GNPTAB: variants seen among roughly 807,000 people sequenced by gnomAD.
The protein encoded by GNPTAB is N-acetylglucosamine-1-phosphotransferase subunits alpha/beta.
Under a neutral mutation model 136.6 loss-of-function variants are expected in GNPTAB, and 92 were observed. That is an observed-to-expected ratio of 0.67 (90% CI 0.57 to 0.80). GNPTAB has a LOEUF of 0.80. Among genes scored for constraint, GNPTAB ranks in the 30% least tolerant of loss-of-function variants. The pLI, the probability that GNPTAB is intolerant of heterozygous loss-of-function variation, is 0.00. For synonymous variants in GNPTAB, 512 were observed against 535.1 expected, an observed-to-expected ratio of 0.96 and a Z score of 0.60; for missense variants, 1,343 against 1,501.8, an observed-to-expected ratio of 0.89 and a Z score of 1.75.
intron 8 of GNPTAB, 87 bp downstream of exon 8, chr12:101,770,909 C>T: frequency 8.1e-7 from 1 of 1,227,376 alleles, no homozygotes; most frequent in Non-Finnish European, 1.2e-6. Context: ...TCTGTAAGTC[C>T]CCTTCCCTCT....
intron 2 of GNPTAB, among the ~76,000 whole-genome samples, chr12:101,790,815 C>T (rs1868945135): frequency 6.6e-6 from 1 of 151,154 alleles, no homozygotes; most frequent in Non-Finnish European, 1.5e-5. Flanking sequence ...CTACTTAATG[C>T]TGTAGCCTTC....
At chr12:101,769,044 T>C (rs1953134287) in intron 10 of GNPTAB, among the ~76,000 whole-genome samples, 1 of 152,198 alleles carries the variant, frequency 6.6e-6, no homozygotes, top group Admixed American at 6.5e-5. Context: ...ATGGGCCTGG[T>C]TGGGTAGCAT....
intron 14 of GNPTAB, 54 bp downstream of exon 14, chr12:101,761,510 A>G: frequency 6.5e-7 from 1 of 1,527,106 alleles, no homozygotes; most frequent in Admixed American, 1.7e-5. Context: ...TGCACATTTC[A>G]AGTAGCCTTA....
chr12:101,817,156 T>C (rs1269123920), intron 1 of GNPTAB, among the ~76,000 whole-genome samples: 3 of 152,220 alleles, frequency 2.0e-5, no homozygotes, highest in African/African-American at 4.8e-5. Context: ...AATAATTTAT[T>C]GTATATTTCA....
rs553671722 is a variant in GNPTAB, at chr12:101,811,978, G to A, written c.118-15216C>T. On this transcript the variant is annotated intron_variant, in intron 1 of 20. Transcript: ENST00000299314. ...TAAACAACCAGATCTCAGGCAGGGC[G>A]TGGTGGCTCACACCTGTAATCCCAG... Among the ~76,000 whole-genome samples the A allele has an allele frequency of 1.0e-3, 158 of 151,236 alleles. 1 individual carries two copies. The South Asian group carries it at 0.013, about 12-fold the overall frequency.
intron 3 of GNPTAB, 63 bp from the exon 4 acceptor site, chr12:101,788,652 A>G: frequency 1.2e-6 from 1 of 865,718 alleles, no homozygotes; most frequent in Non-Finnish European, 2.0e-6. Context: ...CACTGTAACC[A>G]AGACGGTTTG....
chr12:101,765,411 T>A, intron 12 of GNPTAB, 107 bp from the exon 13 acceptor site: 1 of 793,022 alleles, frequency 1.3e-6, no homozygotes, highest in Admixed American at 2.0e-5. Flanking sequence ...AAAAAAATAA[T>A]AGGGAATGCA....
intron 1 of GNPTAB, among the ~76,000 whole-genome samples, chr12:101,824,933 T>C (rs1871010984): frequency 6.6e-6 from 1 of 152,198 alleles, no homozygotes; most frequent in Non-Finnish European, 1.5e-5. Flanking sequence ...TTACCAACTT[T>C]ATGCTAAAAT....
chr12:101,796,008 G>A (rs978568173), intron 2 of GNPTAB: 49 of 441,956 alleles, frequency 1.1e-4, no homozygotes, highest in African/African-American at 8.7e-4. Flanking sequence ...GTTCCAGAAT[G>A]GCGGCACTAA....
chr12:101,758,441 T>C (rs12299531), intron 16 of GNPTAB, among the ~76,000 whole-genome samples: 5,802 of 152,266 alleles, frequency 0.038, 405 homozygotes, highest in East Asian at 0.31. Context: ...TCCCAAAGTG[T>C]TGAGACTATA....
At position 101,768,057 on chromosome 12, in the gene GNPTAB, C is replaced by G; in HGVS notation, c.1388G>C (p.Trp463Ser). 1 of 1,614,168 alleles carries G rather than the reference C, an allele frequency of 6.2e-7. No individual in the cohort carries two copies. The highest frequency in any genetic ancestry group is 8.5e-7 in the Non-Finnish European group (1 of 1,179,990). ...DKACNNSACD[W>S]DGGDCSGNSG... Reference sequence around the variant, plus strand: ...CTTACCAGAGCAATCCCCACCATCCCAATCGCAGGCTGAATTATTACAAGC... The same window carrying G: ...CTTACCAGAGCAATCCCCACCATCCGAATCGCAGGCTGAATTATTACAAGC... Residue 463 changes from tryptophan to serine, a missense_variant, in exon 11 of 21, where the codon TGG becomes TCG. Trp to Ser is a radical substitution (Grantham distance 177). Transcript: ENST00000299314.
At chr12:101,800,172 C>A (rs1400764716) in intron 1 of GNPTAB, among the ~76,000 whole-genome samples, 1 of 133,666 alleles carries the variant, frequency 7.5e-6, no homozygotes, top group Non-Finnish European at 1.5e-5. Context: ...GGGACCTCTG[C>A]CAGCTAGCTA....
At chr12:101,777,604 C>A (rs541300299) in intron 7 of GNPTAB, among the ~76,000 whole-genome samples, 1 of 152,286 alleles carries the variant, frequency 6.6e-6, no homozygotes, top group South Asian at 2.1e-4. Context: ...GCAAAGCCTG[C>A]CTTGACCCCA....
chr12:101,791,156 C>A (rs570545701), intron 2 of GNPTAB, among the ~76,000 whole-genome samples: 2 of 152,182 alleles, frequency 1.3e-5, no homozygotes, highest in Non-Finnish European at 2.9e-5. Flanking sequence ...AATAAAGAGT[C>A]AGGCAGGCTT....
chr12:101,829,458 C>A (rs142860359), intron 1 of GNPTAB, among the ~76,000 whole-genome samples: 34 of 152,224 alleles, frequency 2.2e-4, no homozygotes, highest in African/African-American at 6.3e-4. Context: ...GCATTCCAGC[C>A]TGGGCAACAG....
At chr12:101,802,198 T>C (rs1474182193) in intron 1 of GNPTAB, among the ~76,000 whole-genome samples, 1 of 106,324 alleles carries the variant, frequency 9.4e-6, no homozygotes, top group African/African-American at 3.9e-5. Flanking sequence ...ACCCTGTCTC[T>C]TAAAAAAAAA....
chr12:101,767,894 A>C, intron 11 of GNPTAB, 143 bp downstream of exon 11: 1 of 955,992 alleles, frequency 1.0e-6, no homozygotes, highest in Non-Finnish European at 1.6e-6. Flanking sequence ...CTGGATTATA[A>C]GCATGAGCCA....
At position 101,780,269 on chromosome 12, in the gene GNPTAB, G is replaced by T. The variant is rs764176988; in HGVS notation, c.654C>A (p.Val218=). ...AATCTTGCATTAGCACTAATCCAGG[G>T]ACTTCTTTATCTGTTGTCTAAAATA... is the stretch of plus-strand genomic sequence containing the variant. ...WRGYLTTDKE[V]PGLVLMQDLA... Residue 218 remains valine, a synonymous_variant, in exon 7 of 21, where the codon GTC becomes GTA. Transcript: ENST00000299314. 3.7e-6 allele frequency: 6 copies of T among 1,613,910 alleles called. No homozygotes were observed. The highest frequency in any genetic ancestry group is 4.2e-6 in the Non-Finnish European group (5 of 1,179,836).
At position 101,757,199 on chromosome 12, in the gene GNPTAB, T is replaced by C; in HGVS notation, c.3434+13A>G. 1 of 1,356,902 alleles carries C rather than the reference T, an allele frequency of 7.4e-7. No individual in the cohort carries two copies. Among genetic ancestry groups the C allele is most frequent in the South Asian group, 1.2e-5 (1 of 84,532 alleles). The allele number at this position is 1,356,902 out of a possible 1,614,324, so 84.1% of individuals were successfully genotyped here. On this transcript the variant is annotated intron_variant, in intron 18 of 20. Transcript: ENST00000299314. ...TATTTGCATAATTAAAAATTATATA[T>C]AAAAATCAGTACCTAGGGTTTTTTC...
Sources: gnomAD v4.1 joint callset for allele counts (sites outside exome capture counted in the v4.1 genomes callset) on GRCh38, gnomAD v4.1.1 for gene constraint, MANE v1.5 for transcripts, NCBI Gene and HGNC (gene_info 2026-07-23, HGNC 2026-07-21) for gene names.